Variants in CSMD1 observed in about 807,000 individuals in gnomAD.
CSMD1 encodes the protein CUB and sushi domain-containing protein 1.
In CSMD1, 213 loss-of-function variants were observed where a neutral mutation model predicts 417.5. That is an observed-to-expected ratio of 0.51 (90% CI 0.46 to 0.57). The LOEUF (loss-of-function observed/expected upper bound fraction) is 0.57. CSMD1 is among the 20% of genes least tolerant of loss of function. CSMD1 has a pLI of 0.00. For missense variants in CSMD1, 6,923 were observed against 4,529.7 expected (o/e 1.53, Z -15.17); for synonymous variants, 2,862 against 1,736.8 (o/e 1.65, Z -16.11).
chr8:4,969,083 C>A (rs879626160), intron 1 of CSMD1, among the ~76,000 whole-genome samples: 1 of 152,148 alleles, frequency 6.6e-6, no homozygotes, highest in Non-Finnish European at 1.5e-5. Flanking sequence ...GTGTTGACAG[C>A]TCACTGACCT....
chr8:3,484,753 T>C (rs565285459), intron 11 of CSMD1, among the ~76,000 whole-genome samples: 1 of 152,286 alleles, frequency 6.6e-6, no homozygotes, highest in South Asian at 2.1e-4. Flanking sequence ...AAACATCCGC[T>C]TAGAAAATGG....
chr8:4,175,331 C>T (rs1797982724), intron 3 of CSMD1, among the ~76,000 whole-genome samples: 1 of 152,126 alleles, frequency 6.6e-6, no homozygotes, highest in African/African-American at 2.4e-5. Flanking sequence ...TTAAAGTTAT[C>T]TTCGTCACTT....
In CSMD1 at chr8:3,057,889, C is replaced by T. The variant is rs139139467; in HGVS notation, c.7475-5242G>A. Among the ~76,000 whole-genome samples the T allele has an allele frequency of 3.3e-3, 502 of 152,294 alleles. 1 individual carries two copies. Among genetic ancestry groups the T allele is most frequent in the African/African-American group, 0.011 (476 of 41,552 alleles). On this transcript the variant is annotated intron_variant, in intron 49 of 69. Coordinates refer to ENST00000635120, the MANE Select transcript of CSMD1 (RefSeq NM_033225.6). The stretch of plus-strand genomic sequence containing the variant: ...TATAGTGGTTCCTTATTTCCCGCGA[C>T]ACTGAACAAAAACTACATTTTTTGT...
chr8:3,216,079 T>C (rs944996926), intron 29 of CSMD1, among the ~76,000 whole-genome samples: 4 of 150,008 alleles, frequency 2.7e-5, no homozygotes, highest in Admixed American at 2.0e-4. Context: ...AGTTTTCTCA[T>C]TTAAGAATTT....
chr8:3,843,632 T>A (rs1334087707), intron 5 of CSMD1, among the ~76,000 whole-genome samples: 2 of 152,146 alleles, frequency 1.3e-5, no homozygotes, highest in African/African-American at 4.8e-5. Context: ...TGTTATAGGA[T>A]ACCATGGAAT....
intron 7 of CSMD1, among the ~76,000 whole-genome samples, chr8:3,696,267 T>A (rs1351449585): frequency 1.3e-5 from 2 of 152,190 alleles, no homozygotes; most frequent in African/African-American, 2.4e-5. Flanking sequence ...CCTGCAAGTA[T>A]TCTAATAATA....
chr8:4,598,187 A>G (rs1800383139), intron 2 of CSMD1, among the ~76,000 whole-genome samples: 1 of 152,170 alleles, frequency 6.6e-6, no homozygotes, highest in African/African-American at 2.4e-5. Context: ...GTAAAACGGA[A>G]TTATCATAGT....
rs139080452 is a variant in CSMD1, at chr8:2,975,763, A to G, written c.8567-1139T>C. ...ACATGGAGCTCAGCTGCTCTAGAGC[A>G]TGGAAAAGCAAAGGCACCCTGAGAT... On this transcript the variant is annotated intron_variant, in intron 55 of 69. Coordinates refer to ENST00000635120, the MANE Select transcript of CSMD1 (RefSeq NM_033225.6). Among the ~76,000 whole-genome samples, 221 of 152,344 alleles carry G rather than the reference A, an allele frequency of 1.5e-3. 1 individual carries two copies. The highest frequency in any genetic ancestry group is 4.8e-3 in the African/African-American group (199 of 41,584).
chr8:3,228,037 G>C (rs1168877932), intron 27 of CSMD1, among the ~76,000 whole-genome samples: 1 of 151,920 alleles, frequency 6.6e-6, no homozygotes, highest in Admixed American at 6.6e-5. Flanking sequence ...TAAAGTGCTG[G>C]GATTACAGGT....
chr8:4,933,410 A>T (rs1807388865), intron 1 of CSMD1, among the ~76,000 whole-genome samples: 1 of 152,206 alleles, frequency 6.6e-6, no homozygotes, highest in Non-Finnish European at 1.5e-5. Flanking sequence ...TGGGGAAAAA[A>T]GTCATATTTT....
At chr8:4,663,464 G>A (rs1227611941) in intron 1 of CSMD1, among the ~76,000 whole-genome samples, 1 of 152,106 alleles carries the variant, frequency 6.6e-6, no homozygotes, top group Non-Finnish European at 1.5e-5. Flanking sequence ...ATTGGAGGAG[G>A]GGCCTGGTGG....
intron 7 of CSMD1, among the ~76,000 whole-genome samples, chr8:3,638,270 A>G (rs763006634): frequency 3.3e-5 from 5 of 152,134 alleles, no homozygotes; most frequent in African/African-American, 9.7e-5. Context: ...TAACATGTAC[A>G]CCATAAGCAA....
At chr8:3,629,231 G>A (rs984217447) in intron 7 of CSMD1, among the ~76,000 whole-genome samples, 1 of 152,146 alleles carries the variant, frequency 6.6e-6, no homozygotes, top group Non-Finnish European at 1.5e-5. Context: ...ATCCAGGTCA[G>A]TTACTGAGGC....
intron 5 of CSMD1, among the ~76,000 whole-genome samples, chr8:3,813,008 T>G (rs1801168643): frequency 6.6e-6 from 1 of 152,076 alleles, no homozygotes; most frequent in East Asian, 1.9e-4. Flanking sequence ...ACTCTTAGAT[T>G]ACTTAATGGT....
intron 2 of CSMD1, among the ~76,000 whole-genome samples, chr8:4,547,094 C>A (rs1168842051): frequency 6.6e-6 from 1 of 152,136 alleles, no homozygotes; most frequent in Admixed American, 6.6e-5. Flanking sequence ...TTCATAGTCA[C>A]CTAAAATTCA....
At chr8:3,709,669 T>G (rs548526189) in intron 6 of CSMD1, among the ~76,000 whole-genome samples, 70 of 147,126 alleles carry the variant, frequency 4.8e-4, no homozygotes, top group Non-Finnish European at 8.8e-4. Flanking sequence ...GGCTTTAAAT[T>G]GCAGCAGCAT....
At chr8:3,317,205 C>T (rs1181313801) in intron 23 of CSMD1, among the ~76,000 whole-genome samples, 1 of 152,112 alleles carries the variant, frequency 6.6e-6, no homozygotes, top group Non-Finnish European at 1.5e-5. Context: ...AGCAGATCCC[C>T]TGTATTAACC....
intron 23 of CSMD1, among the ~76,000 whole-genome samples, chr8:3,322,491 G>A (rs1403015347): frequency 6.6e-6 from 1 of 152,176 alleles, no homozygotes; most frequent in Non-Finnish European, 1.5e-5. Flanking sequence ...ATTGCCTTAA[G>A]GGTTCTGGAA....
chr8:3,222,332 T>A (rs1224519102), intron 28 of CSMD1, among the ~76,000 whole-genome samples: 1 of 151,728 alleles, frequency 6.6e-6, no homozygotes, highest in Non-Finnish European at 1.5e-5. Flanking sequence ...TTTTTTTTTT[T>A]AAAGCCAAGG....
Sources: gnomAD v4.1 joint callset for allele counts (sites outside exome capture counted in the v4.1 genomes callset) on GRCh38, gnomAD v4.1.1 for gene constraint, MANE v1.5 for transcripts, NCBI Gene and HGNC (gene_info 2026-07-23, HGNC 2026-07-21) for gene names.